SOX5: variants seen among roughly 807,000 people sequenced by gnomAD.
The protein encoded by SOX5 is transcription factor SOX-5.
Under a neutral mutation model 92.0 loss-of-function variants are expected in SOX5, and 9 were observed. That is an observed-to-expected ratio of 0.10 (90% CI 0.06 to 0.17). SOX5 has a LOEUF of 0.17. SOX5 is among the 10% of genes least tolerant of loss of function. The probability of loss-of-function intolerance (pLI) is 1.00; values close to 1 mark genes in which losing one functional copy is unlikely to be tolerated. For missense variants in SOX5, 642 were observed against 944.5 expected, an observed-to-expected ratio of 0.68 and a Z score of 4.20; for synonymous variants, 344 against 336.3, an observed-to-expected ratio of 1.02 and a Z score of -0.25.
intron 3 of SOX5, among the ~76,000 whole-genome samples, chr12:23,800,090 T>C (rs2095634121): frequency 6.6e-6 from 1 of 152,086 alleles, no homozygotes; most frequent in Non-Finnish European, 1.5e-5. Context: ...GTTGAGATGC[T>C]AGTCCAGGAG....
At chr12:23,940,626 C>T (rs984926573) in intron 1 of SOX5, among the ~76,000 whole-genome samples, 2 of 151,174 alleles carry the variant, frequency 1.3e-5, no homozygotes, top group Non-Finnish European at 3.0e-5. Context: ...GAGATCTTAA[C>T]ATCTAGCTAA....
At chr12:24,424,555 C>A (rs1378349905) in intron 1 of SOX5, among the ~76,000 whole-genome samples, 1 of 152,006 alleles carries the variant, frequency 6.6e-6, no homozygotes, top group South Asian at 2.1e-4. Context: ...TTGTCTTCCC[C>A]CCACCCCCCA....
intron 4 of SOX5, among the ~76,000 whole-genome samples, chr12:24,023,232 A>G (rs1387186902): frequency 1.3e-5 from 2 of 152,166 alleles, no homozygotes; most frequent in Non-Finnish European, 2.9e-5. Context: ...GATGTTTGTT[A>G]CACATGATAG....
intron 1 of SOX5, among the ~76,000 whole-genome samples, chr12:24,412,528 T>C (rs1033070637): frequency 6.6e-6 from 1 of 152,134 alleles, no homozygotes; most frequent in Non-Finnish European, 1.5e-5. Context: ...GAGACTTTCT[T>C]TGTTACCCAT....
chr12:23,989,259 T>C (rs1312335337), intron 4 of SOX5, among the ~76,000 whole-genome samples: 2 of 149,028 alleles, frequency 1.3e-5, no homozygotes, highest in Non-Finnish European at 3.0e-5. Context: ...AGGCGTGGTG[T>C]TGCGTGCCTC....
At chr12:24,325,909 CGT>C (rs755940217) in intron 2 of SOX5, among the ~76,000 whole-genome samples, 3 of 151,984 alleles carry the variant, frequency 2.0e-5, no homozygotes, top group East Asian at 1.9e-4. Context: ...CACGCGCGCG[CGT>C]GTGTGTGTAT....
rs1591908609 is a variant in SOX5 at position 23,543,304 on chromosome 12, T to C, written c.1678A>G (p.Met560Val). 6.2e-7 allele frequency: 1 copy of C among 1,613,816 alleles called. No homozygotes were observed. The highest frequency in any genetic ancestry group is 8.5e-7 in the Non-Finnish European group (1 of 1,179,706). ...TTAGCCCACACCATGAAGGCATTCA[T>C]TGGACGCTTTATGTGGGGTTCATTG... The part of the protein sequence containing the change: ...GSNEPHIKRP[M>V]NAFMVWAKDE... The change falls in exon 13 of 15, where the codon ATG (methionine) becomes GTG (valine). Residue 560 changes from methionine to valine, a missense_variant. Transcript: ENST00000451604.
At chr12:24,458,052 A>G (rs207472749) in intron 1 of SOX5, among the ~76,000 whole-genome samples, 9 of 151,868 alleles carry the variant, frequency 5.9e-5, no homozygotes, top group African/African-American at 2.2e-4. Context: ...TTTTTTTAGT[A>G]TAAGTATGTC....
At chr12:23,592,833 C>T (rs1300743665) in intron 9 of SOX5, among the ~76,000 whole-genome samples, 1 of 152,158 alleles carries the variant, frequency 6.6e-6, no homozygotes, top group Non-Finnish European at 1.5e-5. Context: ...AATCCCAGCA[C>T]TTTGGGAAGC....
intron 4 of SOX5, among the ~76,000 whole-genome samples, chr12:24,011,735 A>G (rs1415442352): frequency 6.6e-6 from 1 of 152,188 alleles, no homozygotes; most frequent in African/African-American, 2.4e-5. Context: ...AATTAAGGAT[A>G]GTAAAGTAAT....
rs79597411 is a variant in SOX5, at chr12:24,143,607, A to G, written c.-2+69736T>C. 3.6e-3 allele frequency among the ~76,000 whole-genome samples: 543 copies of G among 152,288 alleles called. 11 individuals carry two copies. The highest frequency in any genetic ancestry group is 0.032 in the Admixed American group (492 of 15,284). On this transcript the variant is annotated intron_variant, in intron 4 of 4. Transcript: ENST00000446891. ...TGCACTGGATGGGATTTATAACATA[A>G]TAACAGGTAAGACACTAGAGGGAAA... is the stretch of plus-strand genomic sequence containing the variant.
chr12:24,204,398 G>A (rs892443447), intron 4 of SOX5, among the ~76,000 whole-genome samples: 5 of 151,642 alleles, frequency 3.3e-5, no homozygotes, highest in Admixed American at 1.3e-4. Flanking sequence ...GCACAATTCC[G>A]GCTCACTGCA....
intron 6 of SOX5, among the ~76,000 whole-genome samples, chr12:23,699,889 G>GT (rs987862852): frequency 8.5e-5 from 13 of 152,212 alleles, no homozygotes; most frequent in Non-Finnish European, 1.8e-4. Flanking sequence ...TTTTAAAATA[G>GT]TTGATGCCCT....
chr12:23,767,986 A>G (rs1439734423), intron 3 of SOX5, among the ~76,000 whole-genome samples: 1 of 152,138 alleles, frequency 6.6e-6, no homozygotes, highest in Non-Finnish European at 1.5e-5. Flanking sequence ...CTGAGGAACA[A>G]TAGCAGGTGG....
At chr12:24,110,112 A>G (rs1947144650) in intron 4 of SOX5, among the ~76,000 whole-genome samples, 1 of 152,186 alleles carries the variant, frequency 6.6e-6, no homozygotes, top group Admixed American at 6.5e-5. Flanking sequence ...AGAGGCTACC[A>G]CTTACCAGTG....
chr12:23,954,674 T>G (rs924076690), upstream of SOX5, among the ~76,000 whole-genome samples: 4 of 152,028 alleles, frequency 2.6e-5, no homozygotes, highest in African/African-American at 9.7e-5. Flanking sequence ...CCATAATACA[T>G]GTATGCCAAG....
chr12:24,441,835 G>T (rs970040861), intron 1 of SOX5, among the ~76,000 whole-genome samples: 1 of 152,080 alleles, frequency 6.6e-6, no homozygotes, highest in Non-Finnish European at 1.5e-5. Context: ...TGTTGGAACG[G>T]CACTCTGCAT....
intron 9 of SOX5, among the ~76,000 whole-genome samples, chr12:23,590,436 T>C (rs1436916132): frequency 3.9e-5 from 6 of 152,010 alleles, no homozygotes; most frequent in Non-Finnish European, 8.8e-5. Context: ...CAACCTTTTA[T>C]TCATTCATAC....
intron 4 of SOX5, among the ~76,000 whole-genome samples, chr12:24,108,832 T>C (rs1269270452): frequency 6.6e-6 from 1 of 152,164 alleles, no homozygotes; most frequent in East Asian, 1.9e-4. Context: ...CCATAAACCA[T>C]CAACTTATTG....
Sources: gnomAD v4.1 joint callset for allele counts (sites outside exome capture counted in the v4.1 genomes callset) on GRCh38, gnomAD v4.1.1 for gene constraint, MANE v1.5 for transcripts, NCBI Gene and HGNC (gene_info 2026-07-23, HGNC 2026-07-21) for gene names.